SGSM3: variants seen among roughly 807,000 people sequenced by gnomAD.
SGSM3 encodes small G protein signaling modulator 3.
In SGSM3, 96 loss-of-function variants were observed where a neutral mutation model predicts 100.5. The observed-to-expected ratio is 0.96, with a 90% CI of 0.81 to 1.13. SGSM3 has a LOEUF of 1.13. Ranked by LOEUF, SGSM3 falls within the 50% of genes most tolerant of loss-of-function variation. The pLI is 0.00. For synonymous variants in SGSM3, 483 were observed against 422.8 expected (o/e 1.14, Z -1.75); for missense variants, 1,001 against 1,015.8 (o/e 0.99, Z 0.20).
intron 2 of SGSM3, among the ~76,000 whole-genome samples, chr22:40,401,369 T>G (rs1255337904): frequency 1.3e-5 from 2 of 152,170 alleles, no homozygotes; most frequent in Non-Finnish European, 2.9e-5. Flanking sequence ...TTCTCCTGCC[T>G]CCCGAGTAGC....
intron 1 of SGSM3, among the ~76,000 whole-genome samples, chr22:40,400,160 T>G (rs952078826): frequency 5.3e-5 from 8 of 152,228 alleles, no homozygotes; most frequent in African/African-American, 1.9e-4. Context: ...GGATAACAAC[T>G]GTCATTTCTG....
At chr22:40,408,505 T>C in intron 16 of SGSM3, 76 bp downstream of exon 16, 3 of 1,596,296 alleles carry the variant, frequency 1.9e-6, no homozygotes, top group Non-Finnish European at 2.6e-6. Context: ...TCTTAGGTCC[T>C]TCCTGCCCCA....
chr22:40,383,118 C>A (rs545791120), intron 1 of SGSM3, among the ~76,000 whole-genome samples: 97 of 152,268 alleles, frequency 6.4e-4, no homozygotes, highest in Non-Finnish European at 1.2e-3. Flanking sequence ...GGATTCAGCC[C>A]TTGAAGAGCT....
intron 1 of SGSM3, among the ~76,000 whole-genome samples, chr22:40,375,666 ATTT>A (rs34846503): frequency 6.8e-6 from 1 of 147,702 alleles, no homozygotes; most frequent in Non-Finnish European, 1.5e-5. Context: ...AAGACAGAGA[ATTT>A]TTTTTTTTTC....
At position 40,407,482 on chromosome 22, in the gene SGSM3, A is replaced by G. The variant is rs776131231; in HGVS notation, c.1438A>G (p.Ser480Gly). Residue 480 changes from serine to glycine, a missense_variant, in exon 13 of 22, where the codon AGC becomes GGC. Coordinates refer to ENST00000248929, the MANE Select transcript of SGSM3 (RefSeq NM_015705.6). The surrounding 1 kb of genome is among the most constrained non-coding windows in gnomAD (Gnocchi z 4.7). Reference protein sequence around the residue: ...DHENYVACSRSHRRRAKALLD... With the variant: ...DHENYVACSRGHRRRAKALLD... ...CGAGAACTACGTGGCGTGCTCACGC[A>G]GCCACCGGCGCCGAGCCAAGGCCCT... The G allele has an allele frequency of 6.2e-7, 1 of 1,611,718 alleles. No individual in the cohort carries two copies. The highest frequency in any genetic ancestry group is 8.5e-7 in the Non-Finnish European group (1 of 1,179,978).
At chr22:40,402,053 C>T in intron 3 of SGSM3, 86 bp from the exon 4 acceptor site, 1 of 1,024,654 alleles carries the variant, frequency 9.8e-7, no homozygotes, top group Non-Finnish European at 1.5e-6. Context: ...GGGATTTTAG[C>T]AGGCAACCCT....
chr22:40,393,447 T>C lies in SGSM3; in HGVS notation c.-111-7249T>C, dbSNP rs1254099197. On this transcript the variant is annotated intron_variant, in intron 1 of 21. Coordinates refer to ENST00000248929, the MANE Select transcript of SGSM3 (RefSeq NM_015705.6). The stretch of plus-strand genomic sequence containing the variant: ...ACATTTTTAAATGGTTGAAGTCATA[T>C]ACTGTCTTCATGCTGATGATTCCAC... Among the ~76,000 whole-genome samples, 4 of 152,254 alleles carry C rather than the reference T, an allele frequency of 2.6e-5. No individual in the cohort carries two copies. The South Asian group carries it at 8.3e-4, about 31-fold the overall frequency.
At chr22:40,408,471 C>T (rs547215062) in intron 16 of SGSM3, 42 bp downstream of exon 16, 1 of 1,606,660 alleles carries the variant, frequency 6.2e-7, no homozygotes, top group East Asian at 2.2e-5. Context: ...CCTGCACCAG[C>T]CCTGCTGTGC....
chr22:40,405,346 G>T, intron 7 of SGSM3, 62 bp downstream of exon 7: 3 of 1,403,934 alleles, frequency 2.1e-6, no homozygotes, highest in Non-Finnish European at 2.8e-6. Context: ...CCCTAACAAG[G>T]AGTGGCCTCC....
At chr22:40,393,642 GT>G (rs911381808) in intron 1 of SGSM3, among the ~76,000 whole-genome samples, 1 of 152,198 alleles carries the variant, frequency 6.6e-6, no homozygotes, top group African/African-American at 2.4e-5. Flanking sequence ...GTCTTAGTTT[GT>G]TTTGTGCTGC....
chr22:40,388,332 G>T (rs1201924269), intron 1 of SGSM3: 2 of 152,254 alleles, frequency 1.3e-5, no homozygotes, highest in African/African-American at 2.4e-5. Flanking sequence ...GTGGAGTTTG[G>T]TAGGGTCCAG....
Position 40,409,517 on chromosome 22 carries a change from AAGAG to A in SGSM3, c.2169_2172del (p.Glu724ArgfsTer5). The A allele has an allele frequency of 4.4e-6, 7 of 1,598,600 alleles. No individual in the cohort carries two copies. The highest frequency in any genetic ancestry group is 5.1e-6 in the Non-Finnish European group (6 of 1,172,694). ...CTCCCAGGACTGGGAGCTCCCTGCG[AAGAG>A]AGAGGTGGGTGGTGTGGGCCTCGTA... is the stretch of plus-strand genomic sequence containing the variant. On this transcript the variant is annotated frameshift_variant, in exon 21 of 22. Transcript: ENST00000248929. LOFTEE classifies it high-confidence loss of function.
chr22:40,376,783 GT>G (rs533738501), intron 1 of SGSM3, among the ~76,000 whole-genome samples: 8 of 151,614 alleles, frequency 5.3e-5, no homozygotes, highest in African/African-American at 9.7e-5. Flanking sequence ...ATAGTTTTTT[GT>G]TTTTTTTAAT....
At chr22:40,406,990 C>G (rs761600550) in intron 10 of SGSM3, 27 bp from the exon 11 acceptor site, 5 of 1,556,388 alleles carry the variant, frequency 3.2e-6, no homozygotes, top group Non-Finnish European at 4.3e-6. Flanking sequence ...GGGCCAGGAC[C>G]ACCCTGACCC....
At chr22:40,384,880 T>G (rs962923110) in intron 1 of SGSM3, among the ~76,000 whole-genome samples, 2 of 152,208 alleles carry the variant, frequency 1.3e-5, no homozygotes, top group African/African-American at 4.8e-5. Context: ...TGGCTAGAGA[T>G]AGAGATTTGT....
At chr22:40,376,608 A>G (rs1207672715) in intron 1 of SGSM3, 1 of 152,174 alleles carries the variant, frequency 6.6e-6, no homozygotes, top group Non-Finnish European at 1.5e-5. Context: ...TAAGAATTTT[A>G]TTTGTATTAA....
At chr22:40,374,716 G>T (rs138465498) in intron 1 of SGSM3, among the ~76,000 whole-genome samples, 1 of 152,152 alleles carries the variant, frequency 6.6e-6, no homozygotes, top group Non-Finnish European at 1.5e-5. Flanking sequence ...ATGCCATCTC[G>T]ACCAAAAACA....
At chr22:40,398,204 T>G (rs915306709) in intron 1 of SGSM3, among the ~76,000 whole-genome samples, 1 of 151,926 alleles carries the variant, frequency 6.6e-6, no homozygotes, top group South Asian at 2.1e-4. Flanking sequence ...CGACCTCAGG[T>G]GATCCACCCA....
Position 40,410,098 on chromosome 22 carries a change from T to C in SGSM3, c.*339T>C. 1 of 1,192,254 alleles carries C rather than the reference T, an allele frequency of 8.4e-7. No homozygotes were observed. Among genetic ancestry groups the C allele is most frequent in the Non-Finnish European group, 1.0e-6 (1 of 961,054 alleles). The allele number at this position is 1,192,254 out of a possible 1,614,324, so 73.9% of individuals were successfully genotyped here. A position where few individuals can be genotyped will look rare whatever the true frequency, so the allele number is the denominator to read the frequency against. ...TTGGTTTATAAATAAACTGTGTCTG[T>C]CTTTGAGAAAGCACCTACCTGTCTT... is the stretch of plus-strand genomic sequence containing the variant. On this transcript the variant is annotated 3_prime_UTR_variant, in exon 22 of 22. Coordinates refer to ENST00000248929, the MANE Select transcript of SGSM3 (RefSeq NM_015705.6).
Sources: gnomAD v4.1 joint callset for allele counts (sites outside exome capture counted in the v4.1 genomes callset) on GRCh38, gnomAD v4.1.1 for gene constraint, Gnocchi (gnomAD v3.1) non-coding constraint, MANE v1.5 for transcripts, NCBI Gene and HGNC (gene_info 2026-07-23, HGNC 2026-07-21) for gene names.